Variants in EEFSEC observed in about 807,000 individuals in gnomAD.
EEFSEC encodes eukaryotic elongation factor, selenocysteine-tRNA specific.
A neutral mutation model predicts 42.1 loss-of-function variants in EEFSEC; 43 were observed. The ratio of observed to expected loss-of-function variants is 1.02; its 90% CI spans 0.80 to 1.32. EEFSEC has a LOEUF of 1.32. EEFSEC is among the 40% of genes most tolerant of loss of function. The pLI, the probability that EEFSEC is intolerant of heterozygous loss-of-function variation, is 0.00. For synonymous variants in EEFSEC, 354 were observed against 339.1 expected, an observed-to-expected ratio of 1.04 and a Z score of -0.48; for missense variants, 745 against 803.6, an observed-to-expected ratio of 0.93 and a Z score of 0.88.
chr3:128,397,081 A>C (rs1371013743), intron 6 of EEFSEC, among the ~76,000 whole-genome samples: 1 of 152,168 alleles, frequency 6.6e-6, no homozygotes, highest in Non-Finnish European at 1.5e-5. Context: ...ACAAGGCCCC[A>C]CCTGGCTCAG....
At chr3:128,385,941 C>T (rs1415280606) in intron 6 of EEFSEC, among the ~76,000 whole-genome samples, 1 of 152,240 alleles carries the variant, frequency 6.6e-6, no homozygotes, top group Non-Finnish European at 1.5e-5. Context: ...CACATCCACC[C>T]TGGGCGTGTG....
At chr3:128,199,079 G>A (rs1309564414) in intron 1 of EEFSEC, among the ~76,000 whole-genome samples, 3 of 152,194 alleles carry the variant, frequency 2.0e-5, no homozygotes, top group Non-Finnish European at 4.4e-5. Context: ...TGATCCGCCT[G>A]CCTCGGTCTC....
chr3:128,215,311 G>A (rs2065798798), intron 1 of EEFSEC, among the ~76,000 whole-genome samples: 1 of 152,166 alleles, frequency 6.6e-6, no homozygotes, highest in African/African-American at 2.4e-5. Flanking sequence ...TTCCCTGGGG[G>A]AAGGAACCTG....
intron 4 of EEFSEC, among the ~76,000 whole-genome samples, chr3:128,332,022 A>G (rs976578470): frequency 1.3e-5 from 2 of 152,238 alleles, no homozygotes; most frequent in African/African-American, 4.8e-5. Flanking sequence ...AGTAGTATAA[A>G]TAGCAACTCA....
At chr3:128,157,272 T>C (rs182768870) in intron 1 of EEFSEC, among the ~76,000 whole-genome samples, 20 of 152,184 alleles carry the variant, frequency 1.3e-4, no homozygotes, top group Admixed American at 6.5e-4. Context: ...GTTCATGAGG[T>C]TTGAGGAAAG....
intron 4 of EEFSEC, among the ~76,000 whole-genome samples, chr3:128,270,598 C>T (rs1016043633): frequency 6.6e-6 from 1 of 152,190 alleles, no homozygotes; most frequent in Admixed American, 6.5e-5. Flanking sequence ...TTTACCTTTG[C>T]CTCTGCTCTT....
At chr3:128,208,529 A>C (rs2065724201) in intron 1 of EEFSEC, among the ~76,000 whole-genome samples, 1 of 152,214 alleles carries the variant, frequency 6.6e-6, no homozygotes, top group Non-Finnish European at 1.5e-5. Context: ...GTTAGTGCCC[A>C]AGGCAATCTG....
At position 128,332,375 on chromosome 3, in the gene EEFSEC, AT is replaced by A. The variant is rs368191496; in HGVS notation, c.787-8854del. Among the ~76,000 whole-genome samples the A allele has an allele frequency of 4.3e-3, 662 of 152,326 alleles. 6 individuals carry two copies. Among genetic ancestry groups the A allele is most frequent in the Middle Eastern group, 0.02 (6 of 294 alleles). ...GTGTTTCGATTTCAGATTGTTTTGG[AT>A]TTTGGAATATTAGCATGATATACTT... On this transcript the variant is annotated intron_variant, in intron 4 of 6. Transcript: ENST00000254730.
At chr3:128,290,646 T>C (rs1269266737) in intron 4 of EEFSEC, among the ~76,000 whole-genome samples, 1 of 152,148 alleles carries the variant, frequency 6.6e-6, no homozygotes, top group African/African-American at 2.4e-5. Flanking sequence ...ACAATTGATA[T>C]CAGTATTGAG....
At chr3:128,330,579 T>G (rs139711381) in intron 4 of EEFSEC, among the ~76,000 whole-genome samples, 51 of 152,138 alleles carry the variant, frequency 3.4e-4, no homozygotes, top group African/African-American at 1.2e-3. Context: ...GGGATTCAGC[T>G]GGGTACAGGG....
Position 128,163,910 on chromosome 3 carries a change from T to C in EEFSEC, c.316+10087T>C, listed in dbSNP as rs1046395620. Among the ~76,000 whole-genome samples, 4 of 151,368 alleles carry C rather than the reference T, an allele frequency of 2.6e-5. No individual in the cohort carries two copies. In the South Asian group the frequency reaches 8.4e-4, roughly 32 times the overall value. On this transcript the variant is annotated intron_variant, in intron 1 of 6. Coordinates refer to ENST00000254730, the MANE Select transcript of EEFSEC (RefSeq NM_021937.5). ...TCAGCCTCCCAAAGCGAGCATATGC[T>C]TTGGGAACCAGTATTGCATTTTTTT...
intron 6 of EEFSEC, among the ~76,000 whole-genome samples, chr3:128,400,024 C>G (rs2068030630): frequency 1.3e-5 from 2 of 152,138 alleles, no homozygotes; most frequent in Non-Finnish European, 2.9e-5. Flanking sequence ...CCATGCGTTT[C>G]AGACATGACC....
At chr3:128,407,303 G>T (rs1005371335) in intron 6 of EEFSEC, among the ~76,000 whole-genome samples, 5 of 152,240 alleles carry the variant, frequency 3.3e-5, no homozygotes. Context: ...CCCAAGCCTG[G>T]GGGCGGGGCT....
intron 6 of EEFSEC, among the ~76,000 whole-genome samples, chr3:128,394,360 A>G (rs1174689957): frequency 1.3e-5 from 2 of 152,178 alleles, no homozygotes; most frequent in Non-Finnish European, 2.9e-5. Context: ...CAGGGCTGAT[A>G]CAGTAATCAG....
chr3:128,161,676 C>A (rs1042335943), intron 1 of EEFSEC, among the ~76,000 whole-genome samples: 5 of 152,200 alleles, frequency 3.3e-5, no homozygotes, highest in Non-Finnish European at 7.3e-5. Flanking sequence ...GCGACTTTGC[C>A]TTTTCCTTTT....
chr3:128,295,079 T>C (rs1390769113), intron 4 of EEFSEC, among the ~76,000 whole-genome samples: 2 of 152,192 alleles, frequency 1.3e-5, no homozygotes, highest in Non-Finnish European at 2.9e-5. Flanking sequence ...TGGAATGTGC[T>C]CAGTTGAGGG....
intron 4 of EEFSEC, among the ~76,000 whole-genome samples, chr3:128,285,578 C>T (rs190545578): frequency 1.1e-3 from 163 of 152,286 alleles, no homozygotes; most frequent in Non-Finnish European, 2.0e-3. Flanking sequence ...TCTGTCCAGC[C>T]TGCAGGATCC....
At chr3:128,363,479 G>A (rs1482403455) in intron 6 of EEFSEC, among the ~76,000 whole-genome samples, 6 of 152,222 alleles carry the variant, frequency 3.9e-5, no homozygotes, top group East Asian at 1.9e-4. Context: ...CAGGGTATGC[G>A]GGAGAAGGGA....
intron 6 of EEFSEC, among the ~76,000 whole-genome samples, chr3:128,364,162 G>C (rs537624598): frequency 6.6e-6 from 1 of 152,278 alleles, no homozygotes; most frequent in Admixed American, 6.5e-5. Flanking sequence ...AATCAATCCA[G>C]GGTTTGCCAG....
Sources: allele counts gnomAD v4.1 joint callset (sites outside exome capture counted in the v4.1 genomes callset), GRCh38; gene constraint gnomAD v4.1.1; transcripts MANE v1.5; gene names NCBI Gene and HGNC (gene_info 2026-07-23, HGNC 2026-07-21).